GPM6B: variants seen among roughly 807,000 people sequenced by gnomAD.
GPM6B encodes glycoprotein M6B.
A neutral mutation model predicts 27.2 loss-of-function variants in GPM6B; 4 were observed. The ratio of observed to expected loss-of-function variants is 0.15; its 90% confidence interval spans 0.07 to 0.34. GPM6B has a LOEUF of 0.34. Ranked by LOEUF, GPM6B falls within the 10% of genes least tolerant of loss-of-function variation. GPM6B has a pLI of 1.00. For synonymous variants in GPM6B, 124 were observed against 103.1 expected (o/e 1.20, Z -1.23); for missense variants, 183 against 261.9 (o/e 0.70, Z 2.08).
chrX:13,835,029 T>G (rs954618710), intron 1 of GPM6B, among the ~76,000 whole-genome samples: 3 of 111,902 alleles, frequency 2.7e-5, no homozygotes, highest in African/African-American at 9.7e-5. Flanking sequence ...AACATTAATT[T>G]TTTTATTCAG....
At chrX:13,814,538 T>G (rs2049198542) in intron 1 of GPM6B, among the ~76,000 whole-genome samples, 1 of 112,446 alleles carries the variant, frequency 8.9e-6, no homozygotes, top group East Asian at 2.7e-4. Context: ...AAATGTTAAT[T>G]TCAATGGAAA....
intron 2 of GPM6B, among the ~76,000 whole-genome samples, chrX:13,804,898 C>T (rs973702263): frequency 9.1e-6 from 1 of 110,496 alleles, no homozygotes; most frequent in South Asian, 3.9e-4. Flanking sequence ...AGAATGGCAA[C>T]GGCATTGATT....
At chrX:13,821,591 C>G (rs1569235683), upstream of GPM6B, among the ~76,000 whole-genome samples, 1 of 110,950 alleles carries the variant, frequency 9.0e-6, no homozygotes, top group Non-Finnish European at 1.9e-5. Context: ...AATCAAATCA[C>G]TTTTTTTTTC....
At chrX:13,918,969 G>A (rs948358739) in intron 1 of GPM6B, among the ~76,000 whole-genome samples, 2 of 111,764 alleles carry the variant, frequency 1.8e-5, no homozygotes, top group African/African-American at 3.3e-5. Flanking sequence ...CATCCAAACT[G>A]TATGACTTAC....
At chrX:13,845,620 G>A (rs2049636629) in intron 1 of GPM6B, among the ~76,000 whole-genome samples, 1 of 111,396 alleles carries the variant, frequency 9.0e-6, no homozygotes, top group South Asian at 3.8e-4. Flanking sequence ...AATTTTCAGT[G>A]GTTTGTTTCA....
Position 13,787,041 on chromosome X carries a change from C to CAAAAAAAAAAA in GPM6B, c.182-1244_182-1234dup, listed in dbSNP as rs869123073. Among the ~76,000 whole-genome samples, 150 of 24,459 alleles carry CAAAAAAAAAAA rather than the reference C, an allele frequency of 6.1e-3. 5 individuals are homozygous for CAAAAAAAAAAA. The highest frequency in any genetic ancestry group is 0.01 in the African/African-American group (51 of 4,877). 21.2% of individuals were successfully genotyped at this position (24,459 alleles called of 115,157 possible). A position where few individuals can be genotyped will look rare whatever the true frequency, so the allele number is the denominator to read the frequency against. On this transcript the variant is annotated intron_variant, in intron 2 of 7. Coordinates refer to ENST00000316715, the MANE Select transcript of GPM6B (RefSeq NM_001001995.3). ...CTTTAGGGCAAGCACATTAAGCCAGCAAAAAAAAAAAAAAAAAAAAAAAAA... is the reference window on the plus strand; with the variant it reads ...CTTTAGGGCAAGCACATTAAGCCAGCAAAAAAAAAAAAAAAAAAAAAAAAAAAAAAAAAAAA...
At chrX:13,841,943 T>C (rs1230072796) in intron 1 of GPM6B, among the ~76,000 whole-genome samples, 1 of 112,042 alleles carries the variant, frequency 8.9e-6, no homozygotes, top group Non-Finnish European at 1.9e-5. Context: ...CTAATTCTAT[T>C]CTATTCATCT....
intron 1 of GPM6B, among the ~76,000 whole-genome samples, chrX:13,837,283 C>T (rs148461210): frequency 4.5e-5 from 5 of 111,869 alleles, no homozygotes; most frequent in African/African-American, 9.7e-5. Flanking sequence ...TTCTTTGTTA[C>T]GACTTATCTA....
At chrX:13,811,295 C>A (rs1007534974) in intron 1 of GPM6B, among the ~76,000 whole-genome samples, 1 of 112,307 alleles carries the variant, frequency 8.9e-6, no homozygotes, top group Non-Finnish European at 1.9e-5. Context: ...TCCCCATTTA[C>A]TTATTTAATG....
chrX:13,841,334 A>G (rs1249385308), intron 1 of GPM6B, among the ~76,000 whole-genome samples: 1 of 111,441 alleles, frequency 9.0e-6, no homozygotes, highest in African/African-American at 3.3e-5. Context: ...AGACTTCAGA[A>G]CCTCAGCTCT....
intron 2 of GPM6B, among the ~76,000 whole-genome samples, chrX:13,796,710 A>T (rs1291693182): frequency 8.9e-6 from 1 of 112,470 alleles, no homozygotes; most frequent in Admixed American, 9.4e-5. Context: ...CTTGTCCTAA[A>T]ATCTGTTTAA....
At chrX:13,936,281 A>G (rs756488251) in intron 1 of GPM6B, among the ~76,000 whole-genome samples, 6 of 112,489 alleles carry the variant, frequency 5.3e-5, no homozygotes, top group Middle Eastern at 4.6e-3. Flanking sequence ...GAAATTACAC[A>G]TATCACCACT....
At chrX:13,925,490 CTTT>C (rs57186854) in intron 1 of GPM6B, among the ~76,000 whole-genome samples, 47 of 79,881 alleles carry the variant, frequency 5.9e-4, no homozygotes, top group Non-Finnish European at 9.9e-4. Context: ...CCATGTCTGG[CTTT>C]TTTTTTTTTT....
intron 1 of GPM6B, among the ~76,000 whole-genome samples, chrX:13,852,492 C>T (rs917089212): frequency 8.1e-5 from 9 of 111,405 alleles, no homozygotes; most frequent in African/African-American, 2.9e-4. Flanking sequence ...TAACTTGCCC[C>T]CTACAGGTCA....
At chrX:13,828,926 C>G (rs60679588) in intron 1 of GPM6B, among the ~76,000 whole-genome samples, 4,901 of 111,828 alleles carry the variant, frequency 0.044, 250 homozygotes, top group African/African-American at 0.15. Context: ...GGTCAAGAAG[C>G]TGGTCAGAAG....
rs1202186087 is a variant in GPM6B at position 13,890,293 on chromosome X, A to C, written c.-198+48034T>G. ...CATGGCAACGTCAGAAAGTTACCCT[A>C]TATGGTCTAGAAAGGGGAGGCATGA... is the stretch of plus-strand genomic sequence containing the variant. On this transcript the variant is annotated intron_variant, in intron 1 of 6. Coordinates refer to the GPM6B transcript ENST00000398361. 1.5e-4 allele frequency among the ~76,000 whole-genome samples: 17 copies of C among 111,904 alleles called. No individual in the cohort carries two copies. In the Admixed American group the frequency reaches 1.6e-3, roughly 11 times the overall value.
intron 2 of GPM6B, among the ~76,000 whole-genome samples, chrX:13,796,917 T>C (rs1334298650): frequency 1.8e-5 from 2 of 112,337 alleles, no homozygotes; most frequent in African/African-American, 6.5e-5. Context: ...CTGGCTTTGG[T>C]TTTCCCAAAG....
intron 7 of GPM6B, chrX:13,774,543 T>C: frequency 1.7e-6 from 2 of 1,205,770 alleles, no homozygotes. Flanking sequence ...CCTTATGCAA[T>C]TTAGAATTTA....
chrX:13,932,161 T>C (rs1921602380), intron 1 of GPM6B, among the ~76,000 whole-genome samples: 1 of 111,068 alleles, frequency 9.0e-6, no homozygotes, highest in Non-Finnish European at 1.9e-5. Context: ...CAATCTGGCC[T>C]CAGCTCTCCC....
Sources: gnomAD v4.1 joint callset for allele counts (sites outside exome capture counted in the v4.1 genomes callset) on GRCh38, gnomAD v4.1.1 for gene constraint, MANE v1.5 for transcripts, NCBI Gene and HGNC (gene_info 2026-07-23, HGNC 2026-07-21) for gene names.